The following MICALL2 variants were observed in gnomAD, a reference collection of about 807,000 sequenced individuals.
MICALL2 encodes MICAL-like protein 2.
Under a neutral mutation model 91.1 loss-of-function variants are expected in MICALL2, and 111 were observed. That is an observed-to-expected ratio of 1.22 (90% CI 1.04 to 1.43). The LOEUF (loss-of-function observed/expected upper bound fraction) is 1.43, where lower values mean the gene tolerates loss of function less well. MICALL2 is among the 40% of genes most tolerant of loss of function. MICALL2 has a pLI of 0.00. For synonymous variants in MICALL2, 694 were observed against 525.3 expected (o/e 1.32, Z -4.39); for missense variants, 1,556 against 1,236.0 (o/e 1.26, Z -3.88).
chr7:1,446,547 CGGGAGGAGGGGAGACGGGGAGGGGGAGGG>C lies in MICALL2; in HGVS notation c.641+137_641+165del, dbSNP rs1226405994. 51 of 506,764 alleles carry C rather than the reference CGGGAGGAGGGGAGACGGGGAGGGGGAGGG, an allele frequency of 1.0e-4. 1 individual carries two copies. The African/African-American group carries it at 1.2e-3, about 11-fold the overall frequency. The allele number at this position is 506,764 out of a possible 1,614,324, so 31.4% of individuals were successfully genotyped here. On this transcript the variant is annotated intron_variant, in intron 5 of 16. Coordinates refer to ENST00000297508, the MANE Select transcript of MICALL2 (RefSeq NM_182924.4). ...GAGAAGGGGAGGAGAGGGGAGGAGG[CGGGAGGAGGGGAGACGGGGAGGGGGAGGG>C]GGGAGGAGGGGAGAGGGGAGAGGGG...
At chr7:1,450,937 C>T (rs1368483528) in intron 1 of MICALL2, among the ~76,000 whole-genome samples, 1 of 152,208 alleles carries the variant, frequency 6.6e-6, no homozygotes, top group Non-Finnish European at 1.5e-5. Context: ...GAGCAGACAC[C>T]GGTTATGTCT....
chr7:1,439,242 G>A (rs1404260761), intron 9 of MICALL2: 7 of 517,332 alleles, frequency 1.4e-5, no homozygotes, highest in African/African-American at 5.8e-5. Context: ...TGGCACGAGA[G>A]CTGGATATGG....
chr7:1,434,824 C>G, intron 16 of MICALL2, 152 bp from the exon 17 acceptor site: 1 of 837,404 alleles, frequency 1.2e-6, no homozygotes, highest in Admixed American at 2.9e-5. Flanking sequence ...TGCCCTCCCA[C>G]GTGAGAACCT....
At chr7:1,454,156 C>T (rs60368942) in intron 1 of MICALL2, among the ~76,000 whole-genome samples, 1 of 149,920 alleles carries the variant, frequency 6.7e-6, no homozygotes, top group Non-Finnish European at 1.5e-5. Flanking sequence ...AACAAGATTC[C>T]GCCATGGAGT....
intron 8 of MICALL2, 67 bp from the exon 9 acceptor site, chr7:1,440,152 T>TC: frequency 5.8e-6 from 9 of 1,543,732 alleles, no homozygotes; most frequent in Non-Finnish European, 7.8e-6. Context: ...CTGGAGGGGC[T>TC]CCCAGGCCAT....
chr7:1,440,257 G>A (rs1011632822), intron 8 of MICALL2, 172 bp from the exon 9 acceptor site: 10 of 774,370 alleles, frequency 1.3e-5, no homozygotes, highest in African/African-American at 7.0e-5. Context: ...GCAAACACAC[G>A]TGTCCATCGC....
At position 1,434,607 on chromosome 7, in the gene MICALL2, G is replaced by A. The variant is rs1322704861; in HGVS notation, c.2704C>T (p.Pro902Ser). The A allele has an allele frequency of 3.8e-6, 6 of 1,593,548 alleles. No homozygotes were observed. The highest frequency in any genetic ancestry group is 2.7e-5 in the African/African-American group (2 of 73,476). Residue 902 changes from proline (P) to serine (S), a missense_variant, in exon 17 of 17, where the codon CCC becomes TCC. By Grantham distance (74) the Pro-to-Ser change is moderately conservative. Coordinates refer to ENST00000297508, the MANE Select transcript of MICALL2 (RefSeq NM_182924.4). ...GGCCCTACTGGCTACTACTGGGAGGGGCTGCTTTTGCTTTTTGGTGACCAG... is the reference window on the plus strand; with the variant it reads ...GGCCCTACTGGCTACTACTGGGAGGAGCTGCTTTTGCTTTTTGGTGACCAG... ...KIWSPKSKSS[P>S]SQ
At chr7:1,457,882 C>T (rs1296337764) in intron 1 of MICALL2, among the ~76,000 whole-genome samples, 1 of 152,276 alleles carries the variant, frequency 6.6e-6, no homozygotes, top group Non-Finnish European at 1.5e-5. Context: ...TCTCGCCTGC[C>T]TTCCTCCCCA....
At position 1,448,749 on chromosome 7, in the gene MICALL2, C is replaced by G; in HGVS notation, c.205G>C (p.Ala69Pro). 1 of 1,612,676 alleles carries G rather than the reference C, an allele frequency of 6.2e-7. No homozygotes were observed. Among genetic ancestry groups the G allele is most frequent in the Non-Finnish European group, 8.5e-7 (1 of 1,179,902 alleles). ...YENNKLAFRV[A>P]EEHLGIPALL... ...GCTGGGATGCCCAAGTGCTCCTCGG[C>G]CACGCGGAAGGCCTGCGAAAGGTGG... The change falls in exon 3 of 17, where the codon GCC becomes CCC. Residue 69 changes from alanine to proline, a missense_variant. By Grantham distance (27) the Ala-to-Pro change is conservative. Transcript: ENST00000297508.
Position 1,445,159 on chromosome 7 carries a change from G to C in MICALL2, c.911C>G (p.Pro304Arg), listed in dbSNP as rs760717397. ...SPARASVPAAPNPAATSATSV... is the reference protein window; with the variant it reads ...SPARASVPAARNPAATSATSV... ...CGTGGCGCTGGTGGCTGCAGGGTTG[G>C]GTGCAGCTGGAACGGAAGCCCTGGC... The change falls in exon 6 of 17, where the codon CCC becomes CGC. Residue 304 changes from proline to arginine, a missense_variant. Coordinates refer to ENST00000297508, the MANE Select transcript of MICALL2 (RefSeq NM_182924.4). The C allele has an allele frequency of 2.7e-5, 42 of 1,577,622 alleles. 1 individual carries two copies. The South Asian group carries it at 4.7e-4, about 18-fold the overall frequency.
chr7:1,455,109 C>T (rs570469346), intron 1 of MICALL2, among the ~76,000 whole-genome samples: 219 of 152,354 alleles, frequency 1.4e-3, no homozygotes, highest in Non-Finnish European at 2.2e-3. Context: ...TCCTGCGCCA[C>T]GCACAACGCC....
chr7:1,437,632 G>A lies in MICALL2; in HGVS notation c.2403-24C>T, dbSNP rs540003818. ...ACCTGCCGCACAGACACGCGTCTGA[G>A]GCCTGACTCTGCCGCCCTGTCCCCC... On this transcript the variant is annotated intron_variant, in intron 13 of 16. Transcript: ENST00000297508. The A allele has an allele frequency of 2.1e-4, 325 of 1,537,866 alleles. 1 individual carries two copies. In the South Asian group the frequency reaches 3.6e-3, roughly 17 times the overall value.
At chr7:1,458,126 G>A (rs10229642) in intron 1 of MICALL2, among the ~76,000 whole-genome samples, 2,047 of 152,362 alleles carry the variant, frequency 0.013, 54 homozygotes, top group African/African-American at 0.045. Flanking sequence ...TGTTGCTCAA[G>A]ACCCCAGCTT....
Position 1,445,086 on chromosome 7 carries a change from G to T in MICALL2, c.984C>A (p.Ala328=). The T allele has an allele frequency of 6.4e-7, 1 of 1,551,488 alleles. No homozygotes were observed. Among genetic ancestry groups the T allele is most frequent in the Non-Finnish European group, 8.7e-7 (1 of 1,148,242 alleles). ...GGACTTTCCCCTCCGTGGGAGTGGG[G>T]GCCAGGCGGCTCTCAGAGGGCCTGG... The part of the protein sequence containing the change: ...SPARPSESRL[A]PTPTEGKVRP... The change falls in exon 6 of 17, where the codon GCC becomes GCA. Residue 328 remains alanine, a synonymous_variant. Transcript: ENST00000297508.
chr7:1,453,930 G>A (rs1390209366), intron 1 of MICALL2, among the ~76,000 whole-genome samples: 1 of 152,174 alleles, frequency 6.6e-6, no homozygotes, highest in Non-Finnish European at 1.5e-5. Context: ...TTTGCCGTCT[G>A]TGTGTCGGTC....
chr7:1,459,448 C>A lies in MICALL2; in HGVS notation c.-122G>T. 2 of 941,330 alleles carry A rather than the reference C, an allele frequency of 2.1e-6. No homozygotes were observed. The highest frequency in any genetic ancestry group is 2.9e-6 in the Non-Finnish European group (2 of 695,556). The allele number at this position is 941,330 out of a possible 1,614,324, so 58.3% of individuals were successfully genotyped here. A position where few individuals can be genotyped will look rare whatever the true frequency, so the allele number is the denominator to read the frequency against. On this transcript the variant is annotated 5_prime_UTR_variant, in exon 1 of 17. Coordinates refer to ENST00000297508, the MANE Select transcript of MICALL2 (RefSeq NM_182924.4). ...CTACGGAACCGCCAGACCCACGGCG[C>A]CCAGCCCCAGCTGAGCCGGACTGAG...
chr7:1,438,597 C>T (rs1000038642), intron 10 of MICALL2: 7 of 1,421,830 alleles, frequency 4.9e-6, no homozygotes, highest in Non-Finnish European at 5.5e-6. Flanking sequence ...CACCCCAGTC[C>T]CTCAAGCTGC....
chr7:1,442,075 CG>C lies in MICALL2; in HGVS notation c.1711+116del, dbSNP rs147344347. On this transcript the variant is annotated intron_variant, in intron 7 of 16. Transcript: ENST00000297508. ...GGTGTCACGGAGGACAGAGATGAGA[CG>C]GAGAGGAAGGCGGGCGGGGCTGATG... 3,123 of 1,179,538 alleles carry C rather than the reference CG, an allele frequency of 2.6e-3. 57 individuals are homozygous for C. In the African/African-American group the frequency reaches 0.038, roughly 15 times the overall value. 73.1% of individuals were successfully genotyped at this position (1,179,538 alleles called of 1,614,324 possible).
At chr7:1,449,053 C>T (rs1043834102) in intron 2 of MICALL2, among the ~76,000 whole-genome samples, 1 of 152,270 alleles carries the variant, frequency 6.6e-6, no homozygotes, top group Non-Finnish European at 1.5e-5. Context: ...TCCCAGGCCC[C>T]ACCCAACCCA....
Sources: allele counts gnomAD v4.1 joint callset (sites outside exome capture counted in the v4.1 genomes callset), GRCh38; gene constraint gnomAD v4.1.1; transcripts MANE v1.5; gene names NCBI Gene and HGNC (gene_info 2026-07-23, HGNC 2026-07-21).